The following GNG4 variants were observed in gnomAD, a reference collection of about 807,000 sequenced individuals.
The protein encoded by GNG4 is guanine nucleotide-binding protein G(I)/G(S)/G(O) subunit gamma-4.
GNG4 carries 4 observed loss-of-function variants against 5.8 expected under a neutral mutation model. That is an observed-to-expected ratio of 0.69 (90% CI 0.34 to 1.57). GNG4 has a LOEUF of 1.57. GNG4 is among the 40% of genes most tolerant of loss of function. The probability of loss-of-function intolerance (pLI) is 0.06; values close to 1 mark genes in which losing one functional copy is unlikely to be tolerated. For missense variants in GNG4, 96 were observed against 95.1 expected, an observed-to-expected ratio of 1.01 and a Z score of -0.04; for synonymous variants, 29 against 32.9, an observed-to-expected ratio of 0.88 and a Z score of 0.41.
intron 1 of GNG4, among the ~76,000 whole-genome samples, chr1:235,613,693 A>AC (rs1282896536): frequency 6.6e-6 from 1 of 152,114 alleles, no homozygotes; most frequent in African/African-American, 2.4e-5. Flanking sequence ...GCTTGGTTTT[A>AC]CCCTACTGAG....
chr1:235,564,842 C>T (rs1055726270), intron 3 of GNG4, among the ~76,000 whole-genome samples: 5 of 152,164 alleles, frequency 3.3e-5, no homozygotes, highest in Non-Finnish European at 5.9e-5. Context: ...TGTGCCTCCA[C>T]GCCCGGCTTA....
intron 1 of GNG4, among the ~76,000 whole-genome samples, chr1:235,600,416 T>TTG (rs570362257): frequency 0.011 from 1,405 of 126,314 alleles, 15 homozygotes; most frequent in South Asian, 0.025. Context: ...CGCCTGGCTT[T>TTG]TGTGTGTGTG....
chr1:235,591,737 A>G (rs1687969336), intron 2 of GNG4, among the ~76,000 whole-genome samples: 1 of 152,246 alleles, frequency 6.6e-6, no homozygotes, highest in Non-Finnish European at 1.5e-5. Flanking sequence ...GCTTTCCAGA[A>G]GATGAGGCAA....
At chr1:235,633,867 C>A (rs951165953) in intron 1 of GNG4, among the ~76,000 whole-genome samples, 1 of 152,106 alleles carries the variant, frequency 6.6e-6, no homozygotes, top group African/African-American at 2.4e-5. Flanking sequence ...CAGGATAAGG[C>A]CATAAAAAGC....
At chr1:235,612,904 G>T (rs1278588950) in intron 1 of GNG4, among the ~76,000 whole-genome samples, 3 of 152,134 alleles carry the variant, frequency 2.0e-5, no homozygotes, top group Non-Finnish European at 4.4e-5. Flanking sequence ...GCATGGTCAG[G>T]TTGTGACAAG....
chr1:235,620,116 C>A (rs369415092), intron 1 of GNG4, among the ~76,000 whole-genome samples: 6 of 152,208 alleles, frequency 3.9e-5, no homozygotes, highest in African/African-American at 1.2e-4. Flanking sequence ...GTAATCCCAG[C>A]GCTTTGGGAG....
intron 2 of GNG4, chr1:235,588,781 C>T (rs918116951): frequency 6.6e-6 from 1 of 152,314 alleles, no homozygotes; most frequent in African/African-American, 2.4e-5. Flanking sequence ...CTCAGCCCCT[C>T]TGTCTACACA....
intron 2 of GNG4, among the ~76,000 whole-genome samples, chr1:235,588,135 T>C (rs1290906134): frequency 6.6e-6 from 1 of 152,064 alleles, no homozygotes; most frequent in Admixed American, 6.5e-5. Flanking sequence ...GGGCTCGTTT[T>C]CCACATGCCC....
At chr1:235,588,596 A>AC (rs113259379) in intron 2 of GNG4, among the ~76,000 whole-genome samples, 2,864 of 146,690 alleles carry the variant, frequency 0.02, 39 homozygotes, top group Middle Eastern at 0.054. Flanking sequence ...TGCTGGAGAG[A>AC]CCCCCCCCAC....
intron 2 of GNG4, among the ~76,000 whole-genome samples, chr1:235,587,589 G>A (rs1432251319): frequency 8.3e-4 from 4 of 4,830 alleles, no homozygotes; most frequent in Non-Finnish European, 2.1e-3. Context: ...GGCGGTGAGT[G>A]TGAGTGTGGG....
chr1:235,645,437 G>A (rs1351567236), intron 1 of GNG4, among the ~76,000 whole-genome samples: 1 of 152,218 alleles, frequency 6.6e-6, no homozygotes, highest in Non-Finnish European at 1.5e-5. Context: ...ACAAGGTTGA[G>A]TTTGGGTGCT....
chr1:235,638,521 A>T (rs1462259881), intron 1 of GNG4, among the ~76,000 whole-genome samples: 1 of 150,370 alleles, frequency 6.7e-6, no homozygotes, highest in Admixed American at 6.6e-5. Flanking sequence ...AAGTTCTGGG[A>T]TACATGTGCA....
At chr1:235,577,629 T>C (rs1200417064) in intron 3 of GNG4, among the ~76,000 whole-genome samples, 1 of 152,008 alleles carries the variant, frequency 6.6e-6, no homozygotes, top group African/African-American at 2.4e-5. Context: ...TTAGTACAGA[T>C]GGGGTTTCAC....
intron 1 of GNG4, among the ~76,000 whole-genome samples, chr1:235,611,460 C>A (rs1347854931): frequency 2.0e-5 from 3 of 152,154 alleles, no homozygotes; most frequent in Non-Finnish European, 4.4e-5. Flanking sequence ...ACATGTGGGC[C>A]ATTGCGTCCT....
Position 235,570,862 on chromosome 1 carries a change from ATGTGTG to A in GNG4, c.99+12872_99+12877del, listed in dbSNP as rs1553365373. ...CATATCCAGCTAATTATATATATATATGTGTGTGTGTGTGTGTGTATATGTATGTAT... is the reference window on the plus strand; with the variant it reads ...CATATCCAGCTAATTATATATATATATGTGTGTGTGTGTATATGTATGTAT... On this transcript the variant is annotated intron_variant, in intron 3 of 3. Transcript: ENST00000391854. 4.9e-5 allele frequency among the ~76,000 whole-genome samples: 7 copies of A among 141,598 alleles called. No individual in the cohort carries two copies. In the East Asian group the frequency reaches 1.3e-3, roughly 26 times the overall value. 92.9% of individuals were successfully genotyped at this position (141,598 alleles called of 152,430 possible).
At chr1:235,620,140 G>C (rs2102975726) in intron 1 of GNG4, among the ~76,000 whole-genome samples, 1 of 152,276 alleles carries the variant, frequency 6.6e-6, no homozygotes, top group South Asian at 2.1e-4. Flanking sequence ...GAGGTGGGTG[G>C]ATCACCTGAG....
chr1:235,583,189 T>C (rs569403626), intron 3 of GNG4, among the ~76,000 whole-genome samples: 2 of 152,226 alleles, frequency 1.3e-5, no homozygotes, highest in Non-Finnish European at 2.9e-5. Flanking sequence ...TGCTCACCTC[T>C]GAGTGGCATC....
At chr1:235,611,316 T>C (rs533138122) in intron 1 of GNG4, among the ~76,000 whole-genome samples, 5 of 152,162 alleles carry the variant, frequency 3.3e-5, no homozygotes, top group African/African-American at 4.8e-5. Flanking sequence ...TACAGGTGTG[T>C]GCCACCATGC....
At chr1:235,616,920 TTTTTTTC>T (rs1297464466) in intron 1 of GNG4, among the ~76,000 whole-genome samples, 29 of 136,176 alleles carry the variant, frequency 2.1e-4, no homozygotes, top group Non-Finnish European at 2.9e-4. Context: ...TTTTTTTTTT[TTTTTTTC>T]AGTAGAGATG....
Sources: gnomAD v4.1 joint callset for allele counts (sites outside exome capture counted in the v4.1 genomes callset) on GRCh38, gnomAD v4.1.1 for gene constraint, MANE v1.5 for transcripts, NCBI Gene and HGNC (gene_info 2026-07-23, HGNC 2026-07-21) for gene names.